The following RSRC1 variants were observed in gnomAD, a reference collection of about 807,000 sequenced individuals.
RSRC1 encodes the protein serine/Arginine-related protein 53.
A neutral mutation model predicts 49.1 loss-of-function variants in RSRC1; 39 were observed. That is an observed-to-expected ratio of 0.79 (90% CI 0.61 to 1.04). The LOEUF is 1.04. Ranked by LOEUF, RSRC1 falls within the 50% of genes least tolerant of loss-of-function variation. The pLI is 0.00. For missense variants in RSRC1, 388 were observed against 402.4 expected (o/e 0.96, Z 0.31); for synonymous variants, 143 against 130.8 (o/e 1.09, Z -0.63).
At chr3:158,538,605 T>C (rs192504061) in intron 8 of RSRC1, among the ~76,000 whole-genome samples, 454 of 152,032 alleles carry the variant, frequency 3.0e-3, no homozygotes, top group African/African-American at 0.011. Flanking sequence ...TCTTCCACAG[T>C]CAATACACTG....
chr3:158,123,690 T>C (rs1578106970), intron 2 of RSRC1, among the ~76,000 whole-genome samples, 176 bp from the exon 3 acceptor site: 1 of 152,354 alleles, frequency 6.6e-6, no homozygotes, highest in East Asian at 1.9e-4. Flanking sequence ...ATCACTAAGT[T>C]ATGAACCAGT....
chr3:158,216,377 T>C (rs1721943862), intron 4 of RSRC1, among the ~76,000 whole-genome samples: 1 of 151,570 alleles, frequency 6.6e-6, no homozygotes, highest in Non-Finnish European at 1.5e-5. Flanking sequence ...CTGTAATATA[T>C]TTTATATTTT....
chr3:158,495,177 A>G (rs1201804652), intron 7 of RSRC1, among the ~76,000 whole-genome samples: 1 of 152,196 alleles, frequency 6.6e-6, no homozygotes, highest in Non-Finnish European at 1.5e-5. Flanking sequence ...TGTATTTTAT[A>G]TGCAGCCTGT....
chr3:158,360,038 T>C (rs563989044), intron 6 of RSRC1, among the ~76,000 whole-genome samples: 1 of 152,086 alleles, frequency 6.6e-6, no homozygotes, highest in Admixed American at 6.5e-5. Flanking sequence ...GTAGCTCCTC[T>C]CTGCTATTGG....
At chr3:158,207,956 C>T (rs1006705201) in intron 4 of RSRC1, among the ~76,000 whole-genome samples, 4 of 151,974 alleles carry the variant, frequency 2.6e-5, no homozygotes, top group South Asian at 2.1e-4. Flanking sequence ...TTGTAGAATT[C>T]GTCTTATAAT....
At chr3:158,375,769 C>T (rs1200648649) in intron 6 of RSRC1, among the ~76,000 whole-genome samples, 1 of 152,094 alleles carries the variant, frequency 6.6e-6, no homozygotes, top group East Asian at 1.9e-4. Flanking sequence ...TTCCTATCAC[C>T]TCTTCACTTT....
At chr3:158,112,230 C>G (rs1270810959) in intron 1 of RSRC1, among the ~76,000 whole-genome samples, 2 of 152,230 alleles carry the variant, frequency 1.3e-5, no homozygotes, top group Non-Finnish European at 2.9e-5. Context: ...AAAGAACTAT[C>G]AATGTGTCTT....
chr3:158,214,777 C>T (rs1368179108), intron 4 of RSRC1, among the ~76,000 whole-genome samples: 1 of 151,672 alleles, frequency 6.6e-6, no homozygotes, highest in East Asian at 1.9e-4. Flanking sequence ...TTCATTATGA[C>T]CAAAAAACAT....
intron 6 of RSRC1, among the ~76,000 whole-genome samples, chr3:158,432,906 T>C (rs1412792303): frequency 6.6e-6 from 1 of 151,972 alleles, no homozygotes; most frequent in Non-Finnish European, 1.5e-5. Flanking sequence ...ATATATACTA[T>C]AGTTACTTAC....
chr3:158,158,869 G>A (rs1189158435), intron 3 of RSRC1, among the ~76,000 whole-genome samples: 1 of 151,542 alleles, frequency 6.6e-6, no homozygotes, highest in Non-Finnish European at 1.5e-5. Context: ...AACCTGGGAG[G>A]TAGAGGTTGC....
At chr3:158,504,563 C>CA (rs2108464745) in intron 7 of RSRC1, among the ~76,000 whole-genome samples, 1 of 152,310 alleles carries the variant, frequency 6.6e-6, no homozygotes, top group Admixed American at 6.5e-5. Context: ...TCTTTCTACT[C>CA]ACTGGGTACT....
Position 158,477,798 on chromosome 3 carries a change from T to TTTTATATATATATATATATATATATA in RSRC1, c.652+16796_652+16797insTTATATATATATATATATATATATAT, listed in dbSNP as rs1485762587. ...TGATGGGATAGGTTGCGGGAGGGAT[T>TTTTATATATATATATATATATATATA]TATATATATATATATATATATATAT... On this transcript the variant is annotated intron_variant, in intron 7 of 9. Coordinates refer to ENST00000611884, the MANE Select transcript of RSRC1 (RefSeq NM_001271838.2). 4.3e-3 allele frequency among the ~76,000 whole-genome samples: 386 copies of TTTTATATATATATATATATATATATA among 89,678 alleles called. 28 individuals carry two copies. Among genetic ancestry groups the TTTTATATATATATATATATATATATA allele is most frequent in the South Asian group, 5.4e-3 (13 of 2,402 alleles). The allele number at this position is 89,678 out of a possible 152,430, so 58.8% of individuals were successfully genotyped here.
At chr3:158,298,860 C>T (rs1295524001) in intron 5 of RSRC1, among the ~76,000 whole-genome samples, 1 of 152,116 alleles carries the variant, frequency 6.6e-6, no homozygotes, top group Non-Finnish European at 1.5e-5. Flanking sequence ...AGACTTCATT[C>T]GTATATCATA....
chr3:158,133,523 C>T (rs1716168639), intron 3 of RSRC1, among the ~76,000 whole-genome samples: 1 of 152,114 alleles, frequency 6.6e-6, no homozygotes, highest in Non-Finnish European at 1.5e-5. Context: ...ATTTTAAAAC[C>T]AATTTAGTTT....
chr3:158,189,806 G>A (rs75297069), intron 3 of RSRC1, among the ~76,000 whole-genome samples: 1,516 of 151,250 alleles, frequency 0.01, 26 homozygotes, highest in African/African-American at 0.035. Context: ...CCATTTTTTC[G>A]TTTTTTCTGC....
chr3:158,440,843 G>A (rs913298192), intron 6 of RSRC1, among the ~76,000 whole-genome samples: 7 of 151,974 alleles, frequency 4.6e-5, no homozygotes, highest in East Asian at 1.9e-4. Flanking sequence ...TTGGGAGGCC[G>A]AGGTAGGAGA....
intron 7 of RSRC1, among the ~76,000 whole-genome samples, chr3:158,487,949 G>GAAAAAAAAAAAAAAAAAAAAAAAAAAAAA (rs58689210): frequency 6.9e-5 from 2 of 28,920 alleles, no homozygotes; most frequent in African/African-American, 2.7e-4. Context: ...TCCATCTCAA[G>GAAAAAAAAAAAAAAAAAAAAAAAAAAAAA]AAAAAAAAAA....
intron 5 of RSRC1, among the ~76,000 whole-genome samples, chr3:158,327,746 G>A (rs2108185832): frequency 6.6e-6 from 1 of 152,232 alleles, no homozygotes; most frequent in South Asian, 2.1e-4. Flanking sequence ...TGTCTATTAG[G>A]TCTGCTTGGT....
intron 5 of RSRC1, among the ~76,000 whole-genome samples, chr3:158,327,790 T>G (rs544573142): frequency 6.6e-6 from 1 of 152,308 alleles, no homozygotes; most frequent in South Asian, 2.1e-4. Context: ...ATATCCTTGT[T>G]AACTTTCTGT....
Sources: allele counts gnomAD v4.1 joint callset (sites outside exome capture counted in the v4.1 genomes callset), GRCh38; gene constraint gnomAD v4.1.1; transcripts MANE v1.5; gene names NCBI Gene and HGNC (gene_info 2026-07-23, HGNC 2026-07-21).